The following PTPRT variants were observed in gnomAD, a reference collection of about 807,000 sequenced individuals.
PTPRT encodes the protein protein tyrosine phosphatase receptor type T, also known as receptor-type tyrosine-protein phosphatase T.
Under a neutral mutation model 176.8 loss-of-function variants are expected in PTPRT, and 56 were observed. The observed-to-expected ratio is 0.32, with a 90% confidence interval of 0.26 to 0.40. The LOEUF (loss-of-function observed/expected upper bound fraction) is 0.40, where lower values mean the gene tolerates loss of function less well. PTPRT is among the 10% of genes least tolerant of loss of function. The pLI is 1.00. For synonymous variants in PTPRT, 783 were observed against 739.0 expected (o/e 1.06, Z -0.96); for missense variants, 1,540 against 1,908.2 (o/e 0.81, Z 3.60).
intron 7 of PTPRT, among the ~76,000 whole-genome samples, chr20:42,537,387 G>C (rs1043112534): frequency 4.6e-5 from 7 of 152,138 alleles, no homozygotes; most frequent in African/African-American, 1.7e-4. Context: ...TAATCTGTCA[G>C]GTGTTGACTC....
At chr20:42,834,332 A>G (rs2078144134) in intron 2 of PTPRT, among the ~76,000 whole-genome samples, 1 of 152,180 alleles carries the variant, frequency 6.6e-6, no homozygotes, top group Non-Finnish European at 1.5e-5. Flanking sequence ...GGGGAGCTAA[A>G]ATTTAAAACA....
At chr20:43,052,167 T>C (rs1339316568) in intron 1 of PTPRT, among the ~76,000 whole-genome samples, 1 of 152,228 alleles carries the variant, frequency 6.6e-6, no homozygotes, top group Non-Finnish European at 1.5e-5. Context: ...GCAGCCCAGC[T>C]TCCCATACTG....
Position 42,227,199 on chromosome 20 carries a change from G to A in PTPRT, c.2342+9030C>T, listed in dbSNP as rs1006392583. Among the ~76,000 whole-genome samples, 202 of 151,996 alleles carry A rather than the reference G, an allele frequency of 1.3e-3. 1 individual carries two copies. The highest frequency in any genetic ancestry group is 1.8e-3 in the Non-Finnish European group (122 of 67,964). On this transcript the variant is annotated intron_variant, in intron 15 of 30. Transcript: ENST00000373187. ...GAAGGGGAAGAGGAGGAAGGGAAGAGGAAAGAAGGAGGGAAGGAAAGGGAA... is the reference window on the plus strand; with the variant it reads ...GAAGGGGAAGAGGAGGAAGGGAAGAAGAAAGAAGGAGGGAAGGAAAGGGAA...
In PTPRT at chr20:42,561,761, A is replaced by T. The variant is rs114457752; in HGVS notation, c.1154-89199T>A. On this transcript the variant is annotated intron_variant, in intron 7 of 30. Transcript: ENST00000373187. ...TGGCCCCCAGTAAGCAGGTGCTGCC[A>T]GTTCACACTGACACGCACCGCTGAA... Among the ~76,000 whole-genome samples the T allele has an allele frequency of 3.7e-3, 565 of 152,322 alleles. 6 individuals carry two copies. The highest frequency in any genetic ancestry group is 0.013 in the African/African-American group (540 of 41,570).
intron 1 of PTPRT, among the ~76,000 whole-genome samples, chr20:42,887,644 A>G (rs2079124096): frequency 6.6e-6 from 1 of 152,184 alleles, no homozygotes; most frequent in South Asian, 2.1e-4. Flanking sequence ...TTTCCTCTGG[A>G]TAGTGGTGGT....
intron 1 of PTPRT, among the ~76,000 whole-genome samples, chr20:42,948,344 T>A (rs1408894459): frequency 1.3e-5 from 2 of 152,178 alleles, no homozygotes; most frequent in Admixed American, 1.3e-4. Context: ...ACCCGGTTCA[T>A]CCTCTGGAGA....
At chr20:42,569,084 ATATATATATAT>A (rs2073105414) in intron 7 of PTPRT, among the ~76,000 whole-genome samples, 1 of 55,010 alleles carries the variant, frequency 1.8e-5, no homozygotes, top group Non-Finnish European at 3.2e-5. Flanking sequence ...AAAAAAAAAT[ATATATATATAT>A]ATATATATAT....
intron 9 of PTPRT, among the ~76,000 whole-genome samples, chr20:42,446,619 T>TGAGA (rs1489458481): frequency 1.3e-3 from 193 of 144,268 alleles, no homozygotes; most frequent in African/African-American, 4.1e-3. Flanking sequence ...TGTGTGTGTG[T>TGAGA]GTGAGAGAGA....
chr20:42,766,118 A>G (rs887519344), intron 5 of PTPRT, among the ~76,000 whole-genome samples: 5 of 152,200 alleles, frequency 3.3e-5, no homozygotes, highest in African/African-American at 9.6e-5. Context: ...ACCTAGTTGT[A>G]TCCTGAATGT....
chr20:42,775,914 T>C (rs1201324523), intron 4 of PTPRT, among the ~76,000 whole-genome samples: 1 of 152,234 alleles, frequency 6.6e-6, no homozygotes, highest in South Asian at 2.1e-4. Context: ...TAACCATCTA[T>C]GAGTGAAGTC....
intron 1 of PTPRT, among the ~76,000 whole-genome samples, chr20:43,130,663 T>A (rs2146378985): frequency 6.6e-6 from 1 of 151,836 alleles, no homozygotes; most frequent in South Asian, 2.1e-4. Context: ...CCTCTGAAAA[T>A]AATCTACAGA....
At chr20:42,553,377 C>A (rs2072802424) in intron 7 of PTPRT, among the ~76,000 whole-genome samples, 1 of 151,804 alleles carries the variant, frequency 6.6e-6, no homozygotes, top group Non-Finnish European at 1.5e-5. Flanking sequence ...TACCTTCTAT[C>A]TCCCCCTTCC....
At chr20:42,918,857 A>G (rs1240496591) in intron 1 of PTPRT, among the ~76,000 whole-genome samples, 1 of 152,166 alleles carries the variant, frequency 6.6e-6, no homozygotes, top group Non-Finnish European at 1.5e-5. Context: ...AAGATGGGCA[A>G]AAAGCTGAAT....
intron 9 of PTPRT, among the ~76,000 whole-genome samples, chr20:42,445,005 C>T (rs903422471): frequency 5.9e-5 from 9 of 152,280 alleles, no homozygotes; most frequent in Admixed American, 1.3e-4. Context: ...TTTTCCAGAA[C>T]AGTGCTTCTG....
intron 1 of PTPRT, among the ~76,000 whole-genome samples, chr20:43,119,677 T>A (rs547261814): frequency 3.9e-5 from 6 of 152,346 alleles, no homozygotes; most frequent in African/African-American, 1.4e-4. Flanking sequence ...TCAACATTCA[T>A]CCTTTTTATG....
intron 6 of PTPRT, among the ~76,000 whole-genome samples, chr20:42,697,557 C>T (rs948197047): frequency 6.6e-6 from 1 of 152,178 alleles, no homozygotes; most frequent in Admixed American, 6.5e-5. Flanking sequence ...ACAGACACGG[C>T]CATGGGGCAG....
chr20:42,722,487 T>A (rs1476346951), intron 6 of PTPRT, among the ~76,000 whole-genome samples: 1 of 152,186 alleles, frequency 6.6e-6, no homozygotes, highest in Non-Finnish European at 1.5e-5. Flanking sequence ...CTACTGTAAA[T>A]GGGCTGGCTA....
chr20:43,053,024 G>T (rs1987106105), intron 1 of PTPRT, among the ~76,000 whole-genome samples: 1 of 151,524 alleles, frequency 6.6e-6, no homozygotes, highest in Non-Finnish European at 1.5e-5. Context: ...GGTGGATATG[G>T]CATATCCATA....
intron 2 of PTPRT, among the ~76,000 whole-genome samples, chr20:42,818,852 G>A (rs2145646823): frequency 6.6e-6 from 1 of 152,174 alleles, no homozygotes; most frequent in South Asian, 2.1e-4. Flanking sequence ...GAATAGAGGA[G>A]AAAAGAAGGA....
Sources: gnomAD v4.1 joint callset for allele counts (sites outside exome capture counted in the v4.1 genomes callset) on GRCh38, gnomAD v4.1.1 for gene constraint, MANE v1.5 for transcripts, NCBI Gene and HGNC (gene_info 2026-07-23, HGNC 2026-07-21) for gene names.